Variants in KCTD16 observed in about 807,000 individuals in gnomAD.
KCTD16 encodes the protein BTB/POZ domain-containing protein KCTD16.
Under a neutral mutation model 33.2 loss-of-function variants are expected in KCTD16, and 13 were observed. The ratio of observed to expected loss-of-function variants is 0.39; its 90% CI spans 0.25 to 0.62. The LOEUF is 0.62. KCTD16 is among the 20% of genes least tolerant of loss of function. KCTD16 has a pLI of 0.50. For missense variants in KCTD16, 441 were observed against 525.1 expected (o/e 0.84, Z 1.57); for synonymous variants, 197 against 195.3 (o/e 1.01, Z -0.07).
At chr5:144,347,922 G>A (rs967051245) in intron 3 of KCTD16, among the ~76,000 whole-genome samples, 1 of 152,106 alleles carries the variant, frequency 6.6e-6, no homozygotes, top group Admixed American at 6.5e-5. Context: ...CAGCTGGTGC[G>A]GTAGCTGACC....
intron 3 of KCTD16, among the ~76,000 whole-genome samples, chr5:144,267,023 A>C (rs548394391): frequency 6.6e-6 from 1 of 152,286 alleles, no homozygotes; most frequent in East Asian, 1.9e-4. Flanking sequence ...TCCTTGACAC[A>C]CATACCTTGC....
chr5:144,318,662 G>A (rs116312680), intron 3 of KCTD16, among the ~76,000 whole-genome samples: 1 of 152,212 alleles, frequency 6.6e-6, no homozygotes, highest in African/African-American at 2.4e-5. Flanking sequence ...CATCGGCCCT[G>A]CCTGACCGCT....
chr5:144,294,539 G>A (rs1263334688), intron 3 of KCTD16, among the ~76,000 whole-genome samples: 2 of 151,780 alleles, frequency 1.3e-5, no homozygotes, highest in Admixed American at 6.6e-5. Flanking sequence ...TGTTATATTA[G>A]CATGTTATTT....
rs540146937 is a variant in KCTD16, at chr5:144,171,005, T to C, written c.-497T>C. On this transcript the variant is annotated 5_prime_UTR_variant, in exon 1 of 4. Transcript: ENST00000512467. ...CTGTGATTCAAGCACTGTGCTAAAG[T>C]GTTTGTATGTATTATTTAATCTTTA... 8 of 152,322 alleles carry C rather than the reference T, an allele frequency of 5.3e-5. No homozygotes were observed. The East Asian group carries it at 1.5e-3, about 29-fold the overall frequency. The allele number at this position is 152,322 out of a possible 1,614,324, so 9.4% of individuals were successfully genotyped here.
At chr5:144,290,903 G>A (rs995190975) in intron 3 of KCTD16, among the ~76,000 whole-genome samples, 5 of 152,038 alleles carry the variant, frequency 3.3e-5, no homozygotes, top group African/African-American at 1.2e-4. Context: ...AGAATTATAA[G>A]GATTTTAAAG....
At chr5:144,249,311 T>G (rs1754633904) in intron 3 of KCTD16, among the ~76,000 whole-genome samples, 1 of 152,198 alleles carries the variant, frequency 6.6e-6, no homozygotes, top group Non-Finnish European at 1.5e-5. Context: ...GCAGCTCATG[T>G]GTTCACTCCT....
intron 2 of KCTD16, among the ~76,000 whole-genome samples, chr5:144,194,569 G>C (rs1332237121): frequency 1.3e-5 from 2 of 152,206 alleles, no homozygotes; most frequent in African/African-American, 4.8e-5. Flanking sequence ...ACGAAGCAAT[G>C]TGTTTGTAAT....
chr5:144,193,992 A>T (rs937988975), intron 2 of KCTD16, among the ~76,000 whole-genome samples: 1 of 152,016 alleles, frequency 6.6e-6, no homozygotes, highest in Non-Finnish European at 1.5e-5. Context: ...TTAGCTTAGG[A>T]CTCGAGTGTA....
intron 3 of KCTD16, among the ~76,000 whole-genome samples, chr5:144,295,003 G>A (rs1203550542): frequency 6.6e-6 from 1 of 152,106 alleles, no homozygotes; most frequent in African/African-American, 2.4e-5. Flanking sequence ...ACCAATTGTT[G>A]AGCATTTTCT....
Position 144,304,993 on chromosome 5 carries a change from T to TC in KCTD16, c.832+97447_832+97448insC, listed in dbSNP as rs1399968986. Among the ~76,000 whole-genome samples the TC allele has an allele frequency of 3.3e-5, 5 of 149,360 alleles. 1 individual carries two copies. The highest frequency in any genetic ancestry group is 7.4e-5 in the Non-Finnish European group (5 of 67,372). Reference sequence around the variant, plus strand: ...TATCAAAATCTTTTTTTTTTTTTTTTTTTTTTTTCTGAGTTGGCTTTCCTG... The same window carrying TC: ...TATCAAAATCTTTTTTTTTTTTTTTTCTTTTTTTTCTGAGTTGGCTTTCCTG... On this transcript the variant is annotated intron_variant, in intron 3 of 3. Coordinates refer to ENST00000512467, the MANE Select transcript of KCTD16 (RefSeq NM_020768.4).
At position 144,476,564 on chromosome 5, in the gene KCTD16, A is replaced by G. The variant is rs761779954; in HGVS notation, c.*2450A>G. The G allele has an allele frequency of 6.6e-6, 1 of 152,180 alleles. No homozygotes were observed. The highest frequency in any genetic ancestry group is 1.5e-5 in the Non-Finnish European group (1 of 68,020). 9.4% of individuals were successfully genotyped at this position (152,180 alleles called of 1,614,324 possible). On this transcript the variant is annotated 3_prime_UTR_variant, in exon 4 of 4. Transcript: ENST00000512467. ...AAACCATCACAACAGCAATATTTTT[A>G]TTCTGGGCCACCTCTCGACTGGCAC...
intron 3 of KCTD16, among the ~76,000 whole-genome samples, chr5:144,352,370 G>C (rs924333980): frequency 2.6e-5 from 4 of 152,090 alleles, no homozygotes. Context: ...ATACGAAGTG[G>C]GGATGTACTG....
chr5:144,219,067 C>T (rs1753652014), intron 3 of KCTD16, among the ~76,000 whole-genome samples: 2 of 152,186 alleles, frequency 1.3e-5, no homozygotes, highest in African/African-American at 2.4e-5. Context: ...CTTCCTAACA[C>T]ATCAGATCAC....
intron 2 of KCTD16, among the ~76,000 whole-genome samples, chr5:144,175,866 T>C (rs1450104003): frequency 1.3e-5 from 2 of 152,208 alleles, no homozygotes; most frequent in African/African-American, 4.8e-5. Context: ...GCAATATGAT[T>C]TCTTCAGGAA....
At chr5:144,239,895 G>A (rs1754354038) in intron 3 of KCTD16, among the ~76,000 whole-genome samples, 1 of 152,122 alleles carries the variant, frequency 6.6e-6, no homozygotes, top group Admixed American at 6.6e-5. Context: ...CTACAAGTGA[G>A]AGGAAATGAA....
At chr5:144,241,522 G>A (rs950716750) in intron 3 of KCTD16, among the ~76,000 whole-genome samples, 14 of 152,052 alleles carry the variant, frequency 9.2e-5, no homozygotes, top group African/African-American at 3.4e-4. Context: ...TATTTTAATT[G>A]TATTCAAGGA....
At position 144,445,227 on chromosome 5, in the gene KCTD16, A is replaced by T. The variant is rs182529593; in HGVS notation, c.833-28433A>T. Among the ~76,000 whole-genome samples, 67 of 152,038 alleles carry T rather than the reference A, an allele frequency of 4.4e-4. No individual in the cohort carries two copies. The East Asian group carries it at 0.012, about 27-fold the overall frequency. ...TTTATGTGCTCTTCTGTTCCAGTTT[A>T]GTCTTCATTTCTTAAATTATTTATC... On this transcript the variant is annotated intron_variant, in intron 3 of 3. Coordinates refer to ENST00000512467, the MANE Select transcript of KCTD16 (RefSeq NM_020768.4).
chr5:144,265,863 A>G (rs1755128633), intron 3 of KCTD16, among the ~76,000 whole-genome samples: 1 of 152,216 alleles, frequency 6.6e-6, no homozygotes, highest in Admixed American at 6.5e-5. Flanking sequence ...CCAAGTTCGT[A>G]CAGGGATACT....
chr5:144,483,153 A>C lies in KCTD16; in HGVS notation c.*9039A>C, dbSNP rs1754738660. 1 of 151,006 alleles carries C rather than the reference A, an allele frequency of 6.6e-6. No individual in the cohort carries two copies. Among genetic ancestry groups the C allele is most frequent in the Admixed American group, 6.6e-5 (1 of 15,142 alleles). The allele number at this position is 151,006 out of a possible 1,614,324, so 9.4% of individuals were successfully genotyped here. A position where few individuals can be genotyped will look rare whatever the true frequency, so the allele number is the denominator to read the frequency against. On this transcript the variant is annotated 3_prime_UTR_variant, in exon 4 of 4. Transcript: ENST00000512467. ...TTCTTCATTCCAAAAAAAAAAAAAA[A>C]ACCAAACCAGAAAAAACCCAAAACA...
Sources: allele counts gnomAD v4.1 joint callset (sites outside exome capture counted in the v4.1 genomes callset), GRCh38; gene constraint gnomAD v4.1.1; transcripts MANE v1.5; gene names NCBI Gene and HGNC (gene_info 2026-07-23, HGNC 2026-07-21).